Variants in GTPBP1 observed in about 807,000 individuals in gnomAD.
GTPBP1 encodes GTP-binding protein 1.
In GTPBP1, 23 loss-of-function variants were observed where a neutral mutation model predicts 62.0. The observed-to-expected ratio is 0.37, with a 90% CI of 0.27 to 0.53. The LOEUF (loss-of-function observed/expected upper bound fraction) is 0.53, where lower values mean the gene tolerates loss of function less well. Ranked by LOEUF, GTPBP1 falls within the 20% of genes least tolerant of loss-of-function variation. The pLI, the probability that GTPBP1 is intolerant of heterozygous loss-of-function variation, is 0.89. For missense variants in GTPBP1, 640 were observed against 917.3 expected, an observed-to-expected ratio of 0.70 and a Z score of 3.90; for synonymous variants, 344 against 364.4, an observed-to-expected ratio of 0.94 and a Z score of 0.64.
downstream of GTPBP1, chr22:38,740,059 A>G: frequency 7.6e-7 from 1 of 1,307,824 alleles, no homozygotes; most frequent in Non-Finnish European, 1.0e-6. The surrounding 1 kb of genome is among the most constrained non-coding windows in gnomAD (Gnocchi z 4.8). Flanking sequence ...AGGCCACTGG[A>G]GGAAAGAGTT....
At chr22:38,742,455 A>G, downstream of GTPBP1, 2 of 1,613,654 alleles carry the variant, frequency 1.2e-6, no homozygotes, top group Non-Finnish European at 1.7e-6. Context: ...CAGACGTTCC[A>G]GCCGCATGGC....
At chr22:38,739,450 G>A (rs1310101260), downstream of GTPBP1, 2 of 1,611,554 alleles carry the variant, frequency 1.2e-6, no homozygotes, top group Admixed American at 1.7e-5. This position sits in a 1 kb window ranked among gnomAD's most constrained non-coding sequence, Gnocchi z 6.7. Flanking sequence ...ACCAGGAGAC[G>A]GTTGCAGCAG....
At chr22:38,739,728 T>C (rs777660975), downstream of GTPBP1, 1 of 1,613,518 alleles carries the variant, frequency 6.2e-7, no homozygotes, top group South Asian at 1.1e-5. This position sits in a 1 kb window ranked among gnomAD's most constrained non-coding sequence, Gnocchi z 6.7. Context: ...TCACCTCCTC[T>C]GTCACTCCAA....
Position 38,733,475 on chromosome 22 carries a change from G to A in GTPBP1, c.*2771G>A, listed in dbSNP as rs2092774744. 6.6e-6 allele frequency: 1 copy of A among 152,284 alleles called. No individual in the cohort carries two copies. Among genetic ancestry groups the A allele is most frequent in the Non-Finnish European group, 1.5e-5 (1 of 68,098 alleles). The allele number at this position is 152,284 out of a possible 1,614,324, so 9.4% of individuals were successfully genotyped here. A position where few individuals can be genotyped will look rare whatever the true frequency, so the allele number is the denominator to read the frequency against. ...GCTGACTGGATCCATGCTTTACTGT[G>A]TTTAATGGGGGTAACAGGGGTCCCT... On this transcript the variant is annotated 3_prime_UTR_variant, in exon 12 of 12. Coordinates refer to ENST00000216044, the MANE Select transcript of GTPBP1 (RefSeq NM_004286.5).
intron 5 of GTPBP1, chr22:38,723,617 C>T: frequency 1.9e-6 from 1 of 533,328 alleles, no homozygotes; most frequent in Non-Finnish European, 3.3e-6. Flanking sequence ...TTGGTCTGAA[C>T]ACAGCCTAGA....
rs1303091432 is a variant in GTPBP1 at position 38,727,013 on chromosome 22, AGTAGTAGT to A, written c.1402-197_1402-190del. Among the ~76,000 whole-genome samples, 1 of 151,994 alleles carries A rather than the reference AGTAGTAGT, an allele frequency of 6.6e-6. No individual in the cohort carries two copies. The highest frequency in any genetic ancestry group is 2.4e-5 in the African/African-American group (1 of 41,364). ...CCCGCATGAAGCCTTCCTGACCCCC[AGTAGTAGT>A]GTTGAGTCTTCCCATGGAGCACTGA... On this transcript the variant is annotated intron_variant, in intron 8 of 11. Coordinates refer to ENST00000216044, the MANE Select transcript of GTPBP1 (RefSeq NM_004286.5). The surrounding 1 kb of genome is among the most constrained non-coding windows in gnomAD (Gnocchi z 6.5).
At chr22:38,707,764 C>T (rs2092613781) in intron 1 of GTPBP1, among the ~76,000 whole-genome samples, 1 of 151,988 alleles carries the variant, frequency 6.6e-6, no homozygotes. Context: ...CTGGGGAAGT[C>T]CTCCTTACAA....
At position 38,726,692 on chromosome 22, in the gene GTPBP1, C is replaced by G. The variant is rs1232841608; in HGVS notation, c.1401+252C>G. Among the ~76,000 whole-genome samples the G allele has an allele frequency of 6.6e-6, 1 of 152,160 alleles. No homozygotes were observed. Among genetic ancestry groups the G allele is most frequent in the Admixed American group, 6.5e-5 (1 of 15,282 alleles). On this transcript the variant is annotated intron_variant, in intron 8 of 11. Transcript: ENST00000216044. The surrounding 1 kb of genome is among the most constrained non-coding windows in gnomAD (Gnocchi z 4.1). ...CCCTCTGGTGCCTGAGCAGGGTGGC[C>G]TGAGCTCAGTGGTGAGGTCAAATAG...
intron 2 of GTPBP1, among the ~76,000 whole-genome samples, chr22:38,711,769 G>A (rs543809734): frequency 8.5e-5 from 13 of 152,172 alleles, no homozygotes; most frequent in South Asian, 8.3e-4. Flanking sequence ...CCTGAACCCC[G>A]GAGGTGGAGG....
At chr22:38,720,077 C>T (rs5757261) in intron 4 of GTPBP1, among the ~76,000 whole-genome samples, 13,688 of 149,326 alleles carry the variant, frequency 0.092, 838 homozygotes, top group East Asian at 0.17. Flanking sequence ...TACAGGCGCC[C>T]GCCACGATGC....
Position 38,708,934 on chromosome 22 carries a change from A to G in GTPBP1, c.282A>G (p.Ile94Met), listed in dbSNP as rs768530967. Residue 94 changes from isoleucine to methionine, a missense_variant, in exon 2 of 12, where the codon ATA (isoleucine) becomes ATG (methionine). Ile to Met is a conservative substitution (Grantham distance 10). This residue lies in a region of GTPBP1 where 215 missense variants were observed against 235.1 expected (regional missense o/e 0.91). Transcript: ENST00000216044. ...ERMDEGCGET[I>M]YVIGQGSDGT... ...TGGACGAGGGATGCGGAGAGACCAT[A>G]TATGTCATTGGGCAGGGATCAGGTG... 1.1e-5 allele frequency: 18 copies of G among 1,592,942 alleles called. No homozygotes were observed. The highest frequency in any genetic ancestry group is 7.7e-5 in the South Asian group (7 of 90,662).
chr22:38,740,777 C>T (rs1037862510), downstream of GTPBP1: 3 of 599,954 alleles, frequency 5.0e-6, no homozygotes, highest in Admixed American at 5.9e-5. This position sits in a 1 kb window ranked among gnomAD's most constrained non-coding sequence, Gnocchi z 4.8. Flanking sequence ...GAATCCCGGT[C>T]CTCTCACACA....
chr22:38,740,712 G>A (rs2092849195), downstream of GTPBP1: 2 of 583,658 alleles, frequency 3.4e-6, no homozygotes, highest in African/African-American at 3.7e-5. The surrounding 1 kb of genome is among the most constrained non-coding windows in gnomAD (Gnocchi z 4.8). Context: ...TGGACATCTG[G>A]GGCATGAGAA....
chr22:38,739,666 G>A, downstream of GTPBP1: 2 of 1,579,268 alleles, frequency 1.3e-6, no homozygotes, highest in Non-Finnish European at 1.7e-6. The surrounding 1 kb of genome is among the most constrained non-coding windows in gnomAD (Gnocchi z 6.7). Flanking sequence ...ACTGTCCAGG[G>A]CTCCCAGGGA....
downstream of GTPBP1, chr22:38,740,279 G>C (rs763054336): frequency 6.3e-7 from 1 of 1,594,084 alleles, no homozygotes. The surrounding 1 kb of genome is among the most constrained non-coding windows in gnomAD (Gnocchi z 4.8). Flanking sequence ...CGTCCCGCAC[G>C]GCCTGGATCT....
At position 38,716,630 on chromosome 22, in the gene GTPBP1, G is replaced by T. The variant is rs1314465814; in HGVS notation, c.486-22G>T. The T allele has an allele frequency of 5.1e-6, 8 of 1,557,068 alleles. No homozygotes were observed. The highest frequency in any genetic ancestry group is 1.1e-5 in the South Asian group (1 of 88,240). On this transcript the variant is annotated intron_variant, in intron 3 of 11. Transcript: ENST00000216044. The surrounding 1 kb of genome is among the most constrained non-coding windows in gnomAD (Gnocchi z 5.2). ...CTCATTCACTAACTCTCACATAGAT[G>T]TATGGGTTCATCTACACGCAGGGTA...
chr22:38,720,171 G>A (rs2145863826), intron 4 of GTPBP1, among the ~76,000 whole-genome samples: 1 of 151,326 alleles, frequency 6.6e-6, no homozygotes, highest in Admixed American at 6.6e-5. Context: ...CTCATGATCT[G>A]CCCGCCTCGG....
rs577597670 is a variant in GTPBP1 at position 38,720,886 on chromosome 22, A to C, written c.835-856A>C. Among the ~76,000 whole-genome samples the C allele has an allele frequency of 7.2e-5, 11 of 152,262 alleles. No individual in the cohort carries two copies. In the South Asian group the frequency reaches 2.1e-3, roughly 29 times the overall value. ...CAGATGGGGAAACTGAGGGCCAGTGATGTTAAGTTGAATCCACTTTTTGTT... is the reference window on the plus strand; with the variant it reads ...CAGATGGGGAAACTGAGGGCCAGTGCTGTTAAGTTGAATCCACTTTTTGTT... On this transcript the variant is annotated intron_variant, in intron 4 of 11. Coordinates refer to ENST00000216044, the MANE Select transcript of GTPBP1 (RefSeq NM_004286.5).
At chr22:38,740,547 A>T, downstream of GTPBP1, 1 of 1,193,544 alleles carries the variant, frequency 8.4e-7, no homozygotes, top group Non-Finnish European at 1.1e-6. The surrounding 1 kb of genome is among the most constrained non-coding windows in gnomAD (Gnocchi z 4.8). Flanking sequence ...GGTGCCCAGC[A>T]CTCATTGTGA....
Sources: gnomAD v4.1 joint callset for allele counts (sites outside exome capture counted in the v4.1 genomes callset) on GRCh38, gnomAD v4.1.1 for gene constraint, gnomAD v4.1.1 regional missense constraint, Gnocchi (gnomAD v3.1) non-coding constraint, MANE v1.5 for transcripts, NCBI Gene and HGNC (gene_info 2026-07-23, HGNC 2026-07-21) for gene names.